Variants in PCDH15 observed in about 807,000 individuals in gnomAD.
PCDH15 encodes protocadherin related 15, also known as protocadherin-15.
In PCDH15, 129 loss-of-function variants were observed where a neutral mutation model predicts 178.5. The observed-to-expected ratio is 0.72, with a 90% CI of 0.63 to 0.84. The LOEUF (loss-of-function observed/expected upper bound fraction) is 0.84. PCDH15 is among the 40% of genes least tolerant of loss of function. The pLI, the probability that PCDH15 is intolerant of heterozygous loss-of-function variation, is 0.00. For missense variants in PCDH15, 2,230 were observed against 2,099.9 expected, an observed-to-expected ratio of 1.06 and a Z score of -1.21; for synonymous variants, 800 against 732.0, an observed-to-expected ratio of 1.09 and a Z score of -1.50.
At chr10:55,361,748 A>G (rs1398441998) in intron 2 of PCDH15, among the ~76,000 whole-genome samples, 2 of 152,192 alleles carry the variant, frequency 1.3e-5, no homozygotes, top group African/African-American at 2.4e-5. Flanking sequence ...TCATTTATTT[A>G]TATCTTTTAT....
chr10:54,367,297 A>G (rs1946950333), intron 5 of PCDH15, among the ~76,000 whole-genome samples: 1 of 152,104 alleles, frequency 6.6e-6, no homozygotes, highest in South Asian at 2.1e-4. Flanking sequence ...ACCTTTTGAC[A>G]CCCGACAATA....
intron 1 of PCDH15, among the ~76,000 whole-genome samples, chr10:55,262,612 G>A (rs1842175027): frequency 6.6e-6 from 1 of 152,138 alleles, no homozygotes; most frequent in African/African-American, 2.4e-5. Context: ...GTTTGGCCAG[G>A]ATGTTCTAAG....
At chr10:55,474,363 T>A (rs1840022511) in intron 2 of PCDH15, among the ~76,000 whole-genome samples, 1 of 152,202 alleles carries the variant, frequency 6.6e-6, no homozygotes, top group Admixed American at 6.5e-5. Flanking sequence ...TACAAATTTA[T>A]ATTTTTGAAT....
intron 2 of PCDH15, among the ~76,000 whole-genome samples, chr10:54,953,262 T>C (rs900342722): frequency 2.0e-5 from 3 of 151,510 alleles, no homozygotes; most frequent in Non-Finnish European, 4.4e-5. Flanking sequence ...TCCTTTCCTC[T>C]ATTTATTGAT....
intron 3 of PCDH15, among the ~76,000 whole-genome samples, chr10:54,448,170 A>T (rs1182581356): frequency 6.6e-6 from 1 of 151,702 alleles, no homozygotes; most frequent in African/African-American, 2.4e-5. Flanking sequence ...TTATTTTGCC[A>T]TGTGAAAGTG....
intron 2 of PCDH15, among the ~76,000 whole-genome samples, chr10:54,972,463 C>A (rs538070900): frequency 9.9e-5 from 15 of 152,104 alleles, no homozygotes; most frequent in African/African-American, 3.6e-4. Context: ...TCGCTTGAAC[C>A]TGGGAGGCGG....
At chr10:54,674,604 C>T (rs563620572) in intron 1 of PCDH15, among the ~76,000 whole-genome samples, 25 of 152,198 alleles carry the variant, frequency 1.6e-4, no homozygotes, top group Non-Finnish European at 3.4e-4. Context: ...ACCTTCTCAA[C>T]TGGCACAATG....
chr10:54,396,840 T>C (rs1647979333), intron 3 of PCDH15, among the ~76,000 whole-genome samples: 1 of 152,102 alleles, frequency 6.6e-6, no homozygotes, highest in African/African-American at 2.4e-5. Context: ...AATTTGACAA[T>C]TCAAGTATGG....
At chr10:53,917,249 A>C (rs2083602577) in intron 25 of PCDH15, among the ~76,000 whole-genome samples, 1 of 152,170 alleles carries the variant, frequency 6.6e-6, no homozygotes, top group African/African-American at 2.4e-5. Context: ...ATTTGACCTA[A>C]GACTATTCCA....
At chr10:55,398,321 T>A (rs1837979018) in intron 2 of PCDH15, among the ~76,000 whole-genome samples, 1 of 152,154 alleles carries the variant, frequency 6.6e-6, no homozygotes, top group South Asian at 2.1e-4. Flanking sequence ...GTATTCAATT[T>A]CATCATTTCT....
intron 2 of PCDH15, among the ~76,000 whole-genome samples, chr10:55,500,880 A>G (rs1840642267): frequency 6.6e-6 from 1 of 151,804 alleles, no homozygotes; most frequent in Non-Finnish European, 1.5e-5. Context: ...TTGACTCTTT[A>G]TATGACACAG....
intron 2 of PCDH15, among the ~76,000 whole-genome samples, chr10:55,446,713 G>T (rs1839325830): frequency 6.6e-6 from 1 of 152,022 alleles, no homozygotes; most frequent in African/African-American, 2.4e-5. Context: ...GTCTTAAGAG[G>T]CTTTATTGTT....
chr10:54,756,089 A>ACACACACACACACACACACACT (rs143374986), intron 1 of PCDH15, among the ~76,000 whole-genome samples: 76 of 148,338 alleles, frequency 5.1e-4, no homozygotes, highest in Admixed American at 9.6e-4. Flanking sequence ...ACACACACAC[A>ACACACACACACACACACACACT]CACACACAAA....
intron 10 of PCDH15, among the ~76,000 whole-genome samples, chr10:54,196,514 A>G (rs2049677946): frequency 1.3e-5 from 2 of 152,200 alleles, no homozygotes; most frequent in South Asian, 4.1e-4. Flanking sequence ...AGAAAATTCA[A>G]ATGGAGATAC....
At chr10:54,398,054 T>C (rs1213647773) in intron 3 of PCDH15, among the ~76,000 whole-genome samples, 1 of 152,078 alleles carries the variant, frequency 6.6e-6, no homozygotes, top group Admixed American at 6.6e-5. Flanking sequence ...TCAAAATACC[T>C]TTTAAGTCTT....
At chr10:53,921,654 C>A (rs376224419) in intron 25 of PCDH15, among the ~76,000 whole-genome samples, 1 of 152,224 alleles carries the variant, frequency 6.6e-6, no homozygotes, top group East Asian at 1.9e-4. Flanking sequence ...AATGGCACTG[C>A]CCAAAAAGGA....
At chr10:53,909,838 C>T (rs545270861) in intron 25 of PCDH15, among the ~76,000 whole-genome samples, 25 of 152,320 alleles carry the variant, frequency 1.6e-4, no homozygotes, top group African/African-American at 6.0e-4. Context: ...TAGCAAATGG[C>T]ACACAAGGAG....
At chr10:55,606,658 A>G (rs1198766218) in intron 2 of PCDH15, among the ~76,000 whole-genome samples, 6 of 148,178 alleles carry the variant, frequency 4.0e-5, no homozygotes, top group Middle Eastern at 3.2e-3. Context: ...AGGATTCCCT[A>G]TTTAATAAAT....
At chr10:55,341,534 G>A (rs904857542) in intron 2 of PCDH15, among the ~76,000 whole-genome samples, 2 of 148,724 alleles carry the variant, frequency 1.3e-5, no homozygotes, top group African/African-American at 2.5e-5. Flanking sequence ...ATCTTATGAG[G>A]TAGACACTAT....
Sources: allele counts gnomAD v4.1 joint callset (sites outside exome capture counted in the v4.1 genomes callset), GRCh38; gene constraint gnomAD v4.1.1; transcripts MANE v1.5; gene names NCBI Gene and HGNC (gene_info 2026-07-23, HGNC 2026-07-21).